CAPN12: variants seen among roughly 807,000 people sequenced by gnomAD.
CAPN12 encodes the protein calpain 12.
In CAPN12, 107 loss-of-function variants were observed where a neutral mutation model predicts 95.0. The observed-to-expected ratio is 1.13, with a 90% CI of 0.96 to 1.32. CAPN12 has a LOEUF of 1.32. Ranked by LOEUF, CAPN12 falls within the 40% of genes most tolerant of loss-of-function variation. The probability of loss-of-function intolerance (pLI) is 0.00; values close to 1 mark genes in which losing one functional copy is unlikely to be tolerated. For missense variants in CAPN12, 1,136 were observed against 997.8 expected (o/e 1.14, Z -1.87); for synonymous variants, 505 against 415.5 (o/e 1.22, Z -2.62).
chr19:38,736,272 C>CGGGGCAGG lies in CAPN12; in HGVS notation c.1413_1420dup (p.Arg474ProfsTer19). The CGGGGCAGG allele has an allele frequency of 6.9e-7, 1 of 1,457,950 alleles. No homozygotes were observed. Among genetic ancestry groups the CGGGGCAGG allele is most frequent in the Non-Finnish European group, 9.0e-7 (1 of 1,114,042 alleles). 90.3% of individuals were successfully genotyped at this position (1,457,950 alleles called of 1,614,324 possible). ...GGGCGAGCGGTCGGCGCGCAGCAGC[C>CGGGGCAGG]GGGGCAGGAGCGCATGGCTGCGCGG... On this transcript the variant is annotated frameshift_variant, in exon 12 of 21. Coordinates refer to ENST00000328867, the MANE Select transcript of CAPN12 (RefSeq NM_144691.4). LOFTEE classifies it high-confidence loss of function.
At chr19:38,735,632 G>A (rs1969987043) in intron 12 of CAPN12, 88 bp from the exon 13 acceptor site, 3 of 1,358,194 alleles carry the variant, frequency 2.2e-6, no homozygotes, top group Middle Eastern at 2.4e-4. Context: ...GAATCGCGTG[G>A]GGTCTAGGTA....
chr19:38,735,583 G>A lies in CAPN12; in HGVS notation c.1584-39C>T, dbSNP rs114233772. ...ATGGGAAGTGGGGAGGGGGCTGTTTGCCCCAGCTGGGGCTGTGTGGGACGG... is the reference window on the plus strand; with the variant it reads ...ATGGGAAGTGGGGAGGGGGCTGTTTACCCCAGCTGGGGCTGTGTGGGACGG... On this transcript the variant is annotated intron_variant, in intron 12 of 20. Coordinates refer to ENST00000328867, the MANE Select transcript of CAPN12 (RefSeq NM_144691.4). The A allele has an allele frequency of 3.6e-3, 5,803 of 1,599,338 alleles. 161 individuals are homozygous for A. In the African/African-American group the frequency reaches 0.061, roughly 17 times the overall value.
rs995550947 is a variant in CAPN12 at position 38,736,636 on chromosome 19, C to T, written c.1363-73G>A. The T allele has an allele frequency of 8.0e-6, 12 of 1,498,888 alleles. No homozygotes were observed. The African/African-American group carries it at 1.5e-4, about 19-fold the overall frequency. 92.8% of individuals were successfully genotyped at this position (1,498,888 alleles called of 1,614,324 possible). A position where few individuals can be genotyped will look rare whatever the true frequency, so the allele number is the denominator to read the frequency against. ...GCCGCTCAGGGTCTCCTCCCTGCCCCTTCTCACCTCTGTGCTCTCTCCCTC... is the reference window on the plus strand; with the variant it reads ...GCCGCTCAGGGTCTCCTCCCTGCCCTTTCTCACCTCTGTGCTCTCTCCCTC... On this transcript the variant is annotated intron_variant, in intron 10 of 20. Coordinates refer to ENST00000328867, the MANE Select transcript of CAPN12 (RefSeq NM_144691.4).
chr19:38,739,142 CA>C, intron 5 of CAPN12: 1 of 168,252 alleles, frequency 5.9e-6, no homozygotes, highest in Non-Finnish European at 1.3e-5. Context: ...CCTCCAAAAA[CA>C]AAAACAAACA....
In CAPN12 at chr19:38,740,103, G is replaced by A. The variant is rs148710823; in HGVS notation, c.677C>T (p.Ser226Phe). The change falls in exon 5 of 21, where the codon TCT becomes TTT. Residue 226 changes from serine (S) to phenylalanine (F), a missense_variant. Transcript: ENST00000328867. ...CTTGGCCAGGGCATGGCGCAGGGCA[G>A]AGAACAGCCCCATGCTGTTTTGTCT... ...YLRQNSMGLFSALRHALAKES... is the reference protein window; with the variant it reads ...YLRQNSMGLFFALRHALAKES... 20 of 1,613,420 alleles carry A rather than the reference G, an allele frequency of 1.2e-5. No homozygotes were observed. Among genetic ancestry groups the A allele is most frequent in the Middle Eastern group, 1.7e-4 (1 of 5,966 alleles).
In CAPN12 at chr19:38,730,300, A is replaced by G. The variant is rs1012720237; in HGVS notation, c.*552T>C. On this transcript the variant is annotated 3_prime_UTR_variant, in exon 21 of 21. Coordinates refer to ENST00000328867, the MANE Select transcript of CAPN12 (RefSeq NM_144691.4). ...TGCTCTCATAATGAAGACATAGCCG[A>G]TTCTCTGCCCGGGCCCCTTGCTGAT... The G allele has an allele frequency of 1.8e-5, 3 of 162,870 alleles. No homozygotes were observed. The highest frequency in any genetic ancestry group is 7.2e-5 in the African/African-American group (3 of 41,438). The allele number at this position is 162,870 out of a possible 1,614,324, so 10.1% of individuals were successfully genotyped here.
intron 4 of CAPN12, among the ~76,000 whole-genome samples, chr19:38,740,798 C>T (rs1301888924): frequency 2.3e-5 from 3 of 129,070 alleles, no homozygotes; most frequent in Non-Finnish European, 5.0e-5. Flanking sequence ...GAAACTCCAT[C>T]TCAAAAAAAA....
chr19:38,737,754 C>CT, intron 8 of CAPN12, 116 bp from the exon 9 acceptor site: 1 of 1,323,262 alleles, frequency 7.6e-7, no homozygotes. Flanking sequence ...GTCAAATACC[C>CT]TTCAGGCTCC....
In CAPN12 at chr19:38,735,424, G is replaced by GCGCT. The variant is rs1969956366; in HGVS notation, c.1631_1632insAGCG (p.Tyr545AlafsTer55). On this transcript the variant is annotated frameshift_variant, in exon 14 of 21. Transcript: ENST00000328867. LOFTEE classifies it high-confidence loss of function. ...CCAACCCCAGCTCCAGGGGCAGGTA[G>GCGCT]GGGCCCTGCCGCATGGCGGAAGTTT... The GCGCT allele has an allele frequency of 6.2e-7, 1 of 1,610,700 alleles. No homozygotes were observed. The highest frequency in any genetic ancestry group is 8.5e-7 in the Non-Finnish European group (1 of 1,178,996).
At chr19:38,730,917 G>T in intron 20 of CAPN12, 39 bp from the exon 21 acceptor site, 2 of 1,550,592 alleles carry the variant, frequency 1.3e-6, no homozygotes, top group Non-Finnish European at 1.7e-6. Context: ...GAGGCAGGGA[G>T]CTCGCAGGAC....
rs1472689196 is a variant in CAPN12 at position 38,730,444 on chromosome 19, TTTATTCTGA to T, written c.*399_*407del. On this transcript the variant is annotated 3_prime_UTR_variant, in exon 21 of 21. Coordinates refer to ENST00000328867, the MANE Select transcript of CAPN12 (RefSeq NM_144691.4). ...GCTCCCCCTACCTTTTTTTTTTGAG[TTTATTCTGA>T]TTGATTTTTTTTCTTGGTTTCTGGA... 1 of 198,048 alleles carries T rather than the reference TTTATTCTGA, an allele frequency of 5.0e-6. No individual in the cohort carries two copies. The highest frequency in any genetic ancestry group is 1.0e-5 in the Non-Finnish European group (1 of 95,248). 12.3% of individuals were successfully genotyped at this position (198,048 alleles called of 1,614,324 possible). A position where few individuals can be genotyped will look rare whatever the true frequency, so the allele number is the denominator to read the frequency against.
At chr19:38,739,929 A>T in intron 5 of CAPN12, 122 bp downstream of exon 5, 1 of 1,042,522 alleles carries the variant, frequency 9.6e-7, no homozygotes, top group Non-Finnish European at 1.3e-6. Flanking sequence ...AGTTAGATTT[A>T]TGAGCGAGCC....
At chr19:38,734,270 C>T (rs764687664) in intron 16 of CAPN12, 49 bp downstream of exon 16, 20 of 1,603,188 alleles carry the variant, frequency 1.2e-5, no homozygotes, top group African/African-American at 8.0e-5. Context: ...GAGACCCCAA[C>T]GTCCCCTTCC....
intron 14 of CAPN12, 174 bp downstream of exon 14, chr19:38,735,196 A>G (rs1202317684): frequency 1.2e-5 from 8 of 662,306 alleles, no homozygotes; most frequent in Admixed American, 3.0e-5. Context: ...ACTGAGCCCA[A>G]GGCCCTGAGG....
At position 38,744,024 on chromosome 19, in the gene CAPN12, C is replaced by A; in HGVS notation, c.142G>T (p.Asp48Tyr). The change falls in exon 1 of 21, where the codon GAC (aspartate) becomes TAC (tyrosine). Residue 48 changes from aspartate (D) to tyrosine (Y), a missense_variant. By Grantham distance (160) the Asp-to-Tyr change is radical. Transcript: ENST00000328867. Reference protein sequence around the residue: ...ACLDSGILFRDPYFPAGPDAL... With the variant: ...ACLDSGILFRYPYFPAGPDAL... Reference sequence around the variant, plus strand: ...TCAGGGCCAGCAGGGAAGTAAGGGTCGCGGAACAGGATCCCCGAATCCAGG... The same window carrying A: ...TCAGGGCCAGCAGGGAAGTAAGGGTAGCGGAACAGGATCCCCGAATCCAGG... 6.2e-7 allele frequency: 1 copy of A among 1,614,218 alleles called. No homozygotes were observed. Among genetic ancestry groups the A allele is most frequent in the Non-Finnish European group, 8.5e-7 (1 of 1,180,044 alleles).
At chr19:38,741,634 G>T in intron 4 of CAPN12, 143 bp downstream of exon 4, 1 of 953,098 alleles carries the variant, frequency 1.0e-6, no homozygotes, top group Non-Finnish European at 1.5e-6. Flanking sequence ...GTGATATGAG[G>T]GTTCTGGCGG....
At chr19:38,739,876 T>C (rs1735806998) in intron 5 of CAPN12, 175 bp downstream of exon 5, 2 of 605,026 alleles carry the variant, frequency 3.3e-6, no homozygotes, top group South Asian at 3.1e-5. Context: ...CAGCTGTGCC[T>C]GAAGCCCCTG....
chr19:38,742,966 T>C (rs1199475498), intron 2 of CAPN12, 67 bp downstream of exon 2: 12 of 1,501,500 alleles, frequency 8.0e-6, no homozygotes, highest in Non-Finnish European at 1.0e-5. Flanking sequence ...GACAAAGGGA[T>C]GGAGCTGTCA....
intron 7 of CAPN12, 33 bp from the exon 8 acceptor site, chr19:38,738,380 T>A (rs748855242): frequency 6.2e-7 from 1 of 1,610,984 alleles, no homozygotes; most frequent in South Asian, 1.1e-5. Flanking sequence ...GGCGGGCAGG[T>A]GGGGTCCAGC....
Sources: gnomAD v4.1 joint callset for allele counts (sites outside exome capture counted in the v4.1 genomes callset) on GRCh38, gnomAD v4.1.1 for gene constraint, MANE v1.5 for transcripts, NCBI Gene and HGNC (gene_info 2026-07-23, HGNC 2026-07-21) for gene names.